NFASC: variants seen among roughly 807,000 people sequenced by gnomAD.
The protein encoded by NFASC is neurofascin.
NFASC carries 43 observed loss-of-function variants against 147.5 expected under a neutral mutation model. The observed-to-expected ratio is 0.29, with a 90% CI of 0.23 to 0.38. The LOEUF is 0.38. Ranked by LOEUF, NFASC falls within the 10% of genes least tolerant of loss-of-function variation. The pLI is 1.00. For missense variants in NFASC, 1,320 were observed against 1,689.0 expected (o/e 0.78, Z 3.83); for synonymous variants, 622 against 665.5 (o/e 0.93, Z 1.01).
intron 2 of NFASC, among the ~76,000 whole-genome samples, chr1:204,922,146 C>G (rs550440824): frequency 6.6e-6 from 1 of 152,224 alleles, no homozygotes; most frequent in African/African-American, 2.4e-5. Flanking sequence ...GGGACAGAAT[C>G]GGGTAGTTAA....
intron 2 of NFASC, among the ~76,000 whole-genome samples, chr1:204,929,121 C>T (rs1234897596): frequency 6.6e-6 from 1 of 152,060 alleles, no homozygotes; most frequent in African/African-American, 2.4e-5. Context: ...CACCCCATCC[C>T]CAGGAGGGAA....
chr1:204,930,972 A>G (rs1422274304), intron 2 of NFASC, among the ~76,000 whole-genome samples: 1 of 152,120 alleles, frequency 6.6e-6, no homozygotes, highest in African/African-American at 2.4e-5. Context: ...TATCCCTCAG[A>G]TTCCTGGATG....
At chr1:204,977,088 A>G in intron 16 of NFASC, 1 of 1,212,282 alleles carries the variant, frequency 8.2e-7, no homozygotes, top group Non-Finnish European at 1.0e-6. Flanking sequence ...TGATCATTTT[A>G]CCTTTCTTAC....
At chr1:204,949,950 A>T (rs1314246366) in intron 3 of NFASC, among the ~76,000 whole-genome samples, 1 of 152,268 alleles carries the variant, frequency 6.6e-6, no homozygotes, top group African/African-American at 2.4e-5. Context: ...ATTGAGAAGC[A>T]TGATTTCTAT....
chr1:204,979,432 C>T lies in NFASC; in HGVS notation c.2049C>T (p.Gly683=), dbSNP rs926701782. 6 of 1,614,082 alleles carry T rather than the reference C, an allele frequency of 3.7e-6. No individual in the cohort carries two copies. In the Middle Eastern group the frequency reaches 9.9e-4, roughly 266 times the overall value. Residue 683 remains glycine (G), a synonymous_variant, in exon 19 of 30, where the codon GGC becomes GGT. Transcript: ENST00000339876. This position sits in a 1 kb window ranked among gnomAD's most constrained non-coding sequence, Gnocchi z 6.0. Reference sequence around the variant, plus strand: ...GGCATGACCATTCCAAGTACCCCGGCAGCGTTAACTCAGCCGTCCTCCGGC... The same window carrying T: ...GGCATGACCATTCCAAGTACCCCGGTAGCGTTAACTCAGCCGTCCTCCGGC... ...GVWHDHSKYP[G]SVNSAVLRLS...
intron 3 of NFASC, among the ~76,000 whole-genome samples, chr1:204,945,491 G>C (rs1382984473): frequency 6.6e-6 from 1 of 151,122 alleles, no homozygotes; most frequent in African/African-American, 2.4e-5. Context: ...CAGCCCTCCT[G>C]GCACTCTACT....
chr1:204,988,893 T>C (rs1490761210), intron 23 of NFASC, 87 bp downstream of exon 23: 1 of 1,325,316 alleles, frequency 7.5e-7, no homozygotes, highest in Non-Finnish European at 1.1e-6. Flanking sequence ...GCTGGCTGCC[T>C]GGGATGGAGA....
At position 204,987,629 on chromosome 1, in the gene NFASC, C is replaced by G. The variant is rs921794670; in HGVS notation, c.2593+89C>G. On this transcript the variant is annotated intron_variant, in intron 22 of 29. Transcript: ENST00000339876. The surrounding 1 kb of genome is among the most constrained non-coding windows in gnomAD (Gnocchi z 4.4). ...TTTCCTAAGGACTCAAGGTAGAAAG[C>G]CTGTGGGTGCAGATGGCATTGTGGA... 1 of 1,491,928 alleles carries G rather than the reference C, an allele frequency of 6.7e-7. No individual in the cohort carries two copies. The highest frequency in any genetic ancestry group is 1.7e-5 in the Admixed American group (1 of 58,394). 92.4% of individuals were successfully genotyped at this position (1,491,928 alleles called of 1,614,324 possible).
rs1313797619 is a variant in NFASC, at chr1:205,021,548, A to G, written c.*5009A>G. The G allele has an allele frequency of 6.5e-6, 1 of 153,088 alleles. No homozygotes were observed. Among genetic ancestry groups the G allele is most frequent in the African/African-American group, 2.4e-5 (1 of 41,472 alleles). The allele number at this position is 153,088 out of a possible 1,614,324, so 9.5% of individuals were successfully genotyped here. On this transcript the variant is annotated 3_prime_UTR_variant, in exon 30 of 30. Coordinates refer to ENST00000339876, the MANE Select transcript of NFASC (RefSeq NM_001005388.3). The stretch of plus-strand genomic sequence containing the variant: ...TACAGACAAGGATATGCAAATCCAC[A>G]GAAGTGAAGGGATTTTTGCTCAAGA...
chr1:204,968,127 G>T lies in NFASC; in HGVS notation c.707-122G>T. On this transcript the variant is annotated intron_variant, in intron 8 of 29. Coordinates refer to ENST00000339876, the MANE Select transcript of NFASC (RefSeq NM_001005388.3). The surrounding 1 kb of genome is among the most constrained non-coding windows in gnomAD (Gnocchi z 5.4). ...TAATGATGCCCAAGTCCTTGGGATG[G>T]TTTCAGCTGGGAGGATCCGGCAGGG... 1 of 717,968 alleles carries T rather than the reference G, an allele frequency of 1.4e-6. No homozygotes were observed. The highest frequency in any genetic ancestry group is 2.5e-6 in the Non-Finnish European group (1 of 404,148). 44.5% of individuals were successfully genotyped at this position (717,968 alleles called of 1,614,324 possible). A position where few individuals can be genotyped will look rare whatever the true frequency, so the allele number is the denominator to read the frequency against.
chr1:204,915,349 G>C (rs1371294885), intron 1 of NFASC, among the ~76,000 whole-genome samples: 1 of 152,100 alleles, frequency 6.6e-6, no homozygotes, highest in African/African-American at 2.4e-5. Context: ...AGATATCTAA[G>C]ATATTTGTTA....
chr1:204,835,151 G>A (rs1420798266), intron 1 of NFASC, among the ~76,000 whole-genome samples: 1 of 149,106 alleles, frequency 6.7e-6, no homozygotes, highest in Non-Finnish European at 1.5e-5. Context: ...GCTGATGGAA[G>A]ATCACATTGG....
chr1:204,913,799 G>A (rs929118516), intron 1 of NFASC, among the ~76,000 whole-genome samples: 3 of 151,824 alleles, frequency 2.0e-5, no homozygotes, highest in African/African-American at 7.2e-5. Flanking sequence ...GGTGGGAGGT[G>A]GGAGGATCAC....
intron 21 of NFASC, among the ~76,000 whole-genome samples, chr1:204,983,697 C>T (rs2095551568): frequency 6.6e-6 from 1 of 152,184 alleles, no homozygotes; most frequent in South Asian, 2.1e-4. Context: ...TGATAAGGTC[C>T]AGCGAGGGCA....
chr1:204,843,244 A>T (rs1284586068), intron 1 of NFASC, among the ~76,000 whole-genome samples: 1 of 152,210 alleles, frequency 6.6e-6, no homozygotes, highest in Non-Finnish European at 1.5e-5. Flanking sequence ...ACTACTCAGC[A>T]GTGGCTAAAG....
chr1:204,946,809 T>C (rs894925580), intron 3 of NFASC: 1 of 507,382 alleles, frequency 2.0e-6, no homozygotes, highest in Non-Finnish European at 3.9e-6. Context: ...CCAGCCTTCT[T>C]TTTCGGCAGA....
rs564409649 is a variant in NFASC, at chr1:205,019,348, C to T, written c.*2809C>T. On this transcript the variant is annotated 3_prime_UTR_variant, in exon 30 of 30. Transcript: ENST00000339876. ...AGGACAGCACCATGCCATCGGCGCT[C>T]CAGTCTGTCTGGCTGGGAGGAAAGT... 6.6e-6 allele frequency: 1 copy of T among 152,254 alleles called. No homozygotes were observed. Among genetic ancestry groups the T allele is most frequent in the Non-Finnish European group, 1.5e-5 (1 of 68,084 alleles). The allele number at this position is 152,254 out of a possible 1,614,324, so 9.4% of individuals were successfully genotyped here.
intron 3 of NFASC, among the ~76,000 whole-genome samples, chr1:204,947,841 C>T (rs1050058866): frequency 6.6e-6 from 1 of 152,086 alleles, no homozygotes; most frequent in South Asian, 2.1e-4. Context: ...ATGGCCTCAA[C>T]TCATATGCAC....
intron 27 of NFASC, chr1:205,009,309 A>G: frequency 1.6e-6 from 1 of 621,880 alleles, no homozygotes; most frequent in South Asian, 1.6e-5. Flanking sequence ...GGACCTGTTC[A>G]ACCTTCTGCT....
Sources: allele counts gnomAD v4.1 joint callset (sites outside exome capture counted in the v4.1 genomes callset), GRCh38; gene constraint gnomAD v4.1.1; non-coding constraint Gnocchi (gnomAD v3.1); transcripts MANE v1.5; gene names NCBI Gene and HGNC (gene_info 2026-07-23, HGNC 2026-07-21).